Variants in SLC25A43 observed in about 807,000 individuals in gnomAD.
The protein encoded by SLC25A43 is solute carrier family 25 member 43.
A neutral mutation model predicts 22.8 loss-of-function variants in SLC25A43; 10 were observed. The ratio of observed to expected loss-of-function variants is 0.44; its 90% CI spans 0.27 to 0.74. The LOEUF (loss-of-function observed/expected upper bound fraction) is 0.74. Ranked by LOEUF, SLC25A43 falls within the 30% of genes least tolerant of loss-of-function variation. The pLI, the probability that SLC25A43 is intolerant of heterozygous loss-of-function variation, is 0.17. For synonymous variants in SLC25A43, 106 were observed against 121.6 expected, an observed-to-expected ratio of 0.87 and a Z score of 0.84; for missense variants, 233 against 279.1, an observed-to-expected ratio of 0.83 and a Z score of 1.18.
chrX:119,401,466 G>A (rs2052236879), intron 1 of SLC25A43, among the ~76,000 whole-genome samples: 1 of 111,203 alleles, frequency 9.0e-6, no homozygotes, highest in African/African-American at 3.3e-5. Flanking sequence ...CCCTTCTGAT[G>A]AGCGATGAGG....
rs1253854456 is a variant in SLC25A43, at chrX:119,399,687, C to T, written c.275+9C>T. The T allele has an allele frequency of 1.2e-6, 1 of 821,417 alleles. No individual in the cohort carries two copies. The highest frequency in any genetic ancestry group is 1.5e-6 in the Non-Finnish European group (1 of 672,461). 67.7% of individuals were successfully genotyped at this position (821,417 alleles called of 1,213,427 possible). ...CTCGCCGCCTACCGCAAGTAAGAGC[C>T]GGGCGGGGCCGGGGAACCGGGAGAC... On this transcript the variant is annotated intron_variant, in intron 1 of 4. Transcript: ENST00000217909.
intron 1 of SLC25A43, among the ~76,000 whole-genome samples, chrX:119,402,378 G>A (rs1423019956): frequency 8.9e-6 from 1 of 111,798 alleles, no homozygotes; most frequent in South Asian, 3.8e-4. Context: ...TCAGTAGTCT[G>A]TTGGGAGCTA....
chrX:119,400,542 A>G (rs1440495327), intron 1 of SLC25A43, among the ~76,000 whole-genome samples: 5 of 111,934 alleles, frequency 4.5e-5, no homozygotes, highest in African/African-American at 1.6e-4. Context: ...GGCATCTTTG[A>G]TATCGCCTTG....
chrX:119,432,661 C>T (rs2052562555), intron 3 of SLC25A43, among the ~76,000 whole-genome samples: 1 of 109,769 alleles, frequency 9.1e-6, no homozygotes, highest in African/African-American at 3.3e-5. Flanking sequence ...TGGTGGCACA[C>T]ACCTCTAATC....
At chrX:119,417,543 G>T (rs2052415169) in intron 3 of SLC25A43, among the ~76,000 whole-genome samples, 1 of 111,365 alleles carries the variant, frequency 9.0e-6, no homozygotes, top group African/African-American at 3.3e-5. Context: ...CTTCCTGAGA[G>T]CTAGAACAGT....
At chrX:119,408,392 A>G (rs2052316898) in intron 2 of SLC25A43, among the ~76,000 whole-genome samples, 1 of 111,480 alleles carries the variant, frequency 9.0e-6, no homozygotes, top group African/African-American at 3.3e-5. Context: ...AGGCAAAATT[A>G]ATCCCTTTGA....
Position 119,443,542 on chromosome X carries a change from G to A in SLC25A43, c.691-8467G>A, listed in dbSNP as rs76704639. On this transcript the variant is annotated intron_variant, in intron 3 of 4. Transcript: ENST00000217909. ...CAGCTCACTGCAACCTCCGCCTCCC[G>A]GGTTCAAGCAATTCTCCTGCCTCAG... Among the ~76,000 whole-genome samples the A allele has an allele frequency of 9.5e-3, 942 of 98,681 alleles. 16 individuals carry two copies. The highest frequency in any genetic ancestry group is 0.033 in the African/African-American group (878 of 26,637). The allele number at this position is 98,681 out of a possible 115,157, so 85.7% of individuals were successfully genotyped here. A position where few individuals can be genotyped will look rare whatever the true frequency, so the allele number is the denominator to read the frequency against.
At chrX:119,430,902 G>A (rs760791811) in intron 3 of SLC25A43, among the ~76,000 whole-genome samples, 2 of 111,920 alleles carry the variant, frequency 1.8e-5, no homozygotes, top group African/African-American at 3.2e-5. Flanking sequence ...ACAGGCTCCT[G>A]TCTCAGCCTA....
chrX:119,414,108 A>T (rs927486847), intron 3 of SLC25A43, among the ~76,000 whole-genome samples: 1 of 112,266 alleles, frequency 8.9e-6, no homozygotes, highest in African/African-American at 3.2e-5. Flanking sequence ...ATTAATTGTC[A>T]CTTTTTAAAT....
chrX:119,408,190 C>A (rs983773531), intron 2 of SLC25A43, among the ~76,000 whole-genome samples: 14 of 110,853 alleles, frequency 1.3e-4, no homozygotes, highest in African/African-American at 3.6e-4. Context: ...CCTACCTCAT[C>A]TCCTGCCATA....
chrX:119,445,605 T>C (rs2052660175), intron 3 of SLC25A43, among the ~76,000 whole-genome samples: 2 of 111,809 alleles, frequency 1.8e-5, no homozygotes, highest in South Asian at 3.7e-4. Context: ...GGAGTACAGA[T>C]TGCAGTGGCC....
chrX:119,443,041 T>C (rs781523871), intron 3 of SLC25A43, among the ~76,000 whole-genome samples: 5 of 111,569 alleles, frequency 4.5e-5, no homozygotes, highest in Non-Finnish European at 7.5e-5. Context: ...TACAGTACAA[T>C]TGTGAAAGAG....
At chrX:119,452,705 C>A (rs1003389865) in intron 4 of SLC25A43, among the ~76,000 whole-genome samples, 160 bp from the exon 5 acceptor site, 1 of 111,519 alleles carries the variant, frequency 9.0e-6, no homozygotes, top group African/African-American at 3.3e-5. Flanking sequence ...GCCAGCTTTC[C>A]TTTTGCCATC....
At chrX:119,399,818 C>A (rs1168735509) in intron 1 of SLC25A43, 140 bp downstream of exon 1, 15 of 675,686 alleles carry the variant, frequency 2.2e-5, no homozygotes, top group African/African-American at 4.6e-5. Context: ...GGGGACCCCT[C>A]GGGGCGGTGG....
intron 2 of SLC25A43, among the ~76,000 whole-genome samples, chrX:119,408,156 C>T (rs1282743265): frequency 9.0e-6 from 1 of 110,799 alleles, no homozygotes; most frequent in Non-Finnish European, 1.9e-5. Context: ...CTAGATCCTT[C>T]AGACCTGGCC....
chrX:119,452,266 C>T, intron 4 of SLC25A43, 123 bp downstream of exon 4: 1 of 822,000 alleles, frequency 1.2e-6, no homozygotes, highest in Non-Finnish European at 1.7e-6. Flanking sequence ...ATGGGTAGCA[C>T]AAGGCCCATG....
rs1429756946 is a variant in SLC25A43, at chrX:119,399,575, C to T, written c.172C>T (p.Arg58Trp). Reference sequence around the variant, plus strand: ...CCGGGGACCGTGGGCCACAGGGCACCGGGTGTGGCGGGCAGAGGGGCTCCG... The same window carrying T: ...CCGGGGACCGTGGGCCACAGGGCACTGGGTGTGGCGGGCAGAGGGGCTCCG... ...HARGPWATGH[R>W]VWRAEGLRAL... Residue 58 changes from arginine to tryptophan, a missense_variant, in exon 1 of 5, where the codon CGG becomes TGG. Physicochemically the swap from Arg to Trp is moderately radical, Grantham distance 101. Coordinates refer to ENST00000217909, the MANE Select transcript of SLC25A43 (RefSeq NM_145305.3). 1.9e-6 allele frequency: 2 copies of T among 1,042,772 alleles called. No individual in the cohort carries two copies. The allele number at this position is 1,042,772 out of a possible 1,213,427, so 85.9% of individuals were successfully genotyped here.
chrX:119,426,641 G>T (rs751398392), intron 3 of SLC25A43, among the ~76,000 whole-genome samples: 1 of 110,565 alleles, frequency 9.0e-6, no homozygotes, highest in African/African-American at 3.3e-5. Flanking sequence ...TGGCCAACAC[G>T]ACGAAACCCC....
At chrX:119,408,076 C>A (rs769739744) in intron 2 of SLC25A43, among the ~76,000 whole-genome samples, 1 of 110,540 alleles carries the variant, frequency 9.0e-6, no homozygotes, top group Admixed American at 9.7e-5. Context: ...GCCCTCATTT[C>A]ACTGCTCTCC....
Sources: allele counts gnomAD v4.1 joint callset (sites outside exome capture counted in the v4.1 genomes callset), GRCh38; gene constraint gnomAD v4.1.1; transcripts MANE v1.5; gene names NCBI Gene and HGNC (gene_info 2026-07-23, HGNC 2026-07-21).